Variants in CCSER1 observed in about 807,000 individuals in gnomAD.
CCSER1 encodes the protein coiled-coil serine rich protein 1.
In CCSER1, 41 loss-of-function variants were observed where a neutral mutation model predicts 82.0. That is an observed-to-expected ratio of 0.50 (90% confidence interval 0.39 to 0.65). CCSER1 has a LOEUF of 0.65. CCSER1 is among the 30% of genes least tolerant of loss of function. The pLI, the probability that CCSER1 is intolerant of heterozygous loss-of-function variation, is 0.00. For synonymous variants in CCSER1, 414 were observed against 383.9 expected, an observed-to-expected ratio of 1.08 and a Z score of -0.92; for missense variants, 1,119 against 1,064.2, an observed-to-expected ratio of 1.05 and a Z score of -0.72.
chr4:90,632,428 A>G (rs1724626034), intron 6 of CCSER1, among the ~76,000 whole-genome samples: 1 of 151,972 alleles, frequency 6.6e-6, no homozygotes, highest in Non-Finnish European at 1.5e-5. Flanking sequence ...AATCATATTA[A>G]TCTAATCCAG....
intron 10 of CCSER1, among the ~76,000 whole-genome samples, chr4:91,315,414 T>G (rs1160158530): frequency 2.0e-5 from 3 of 151,986 alleles, no homozygotes; most frequent in Non-Finnish European, 4.4e-5. Context: ...ATATTTCCAC[T>G]GCCAAACCCA....
At chr4:90,291,124 GTGTTTT>G (rs1398581832) in intron 1 of CCSER1, among the ~76,000 whole-genome samples, 1 of 140,054 alleles carries the variant, frequency 7.1e-6, no homozygotes, top group African/African-American at 3.2e-5. Context: ...CAGAGCAAGA[GTGTTTT>G]TACTTGATTG....
At chr4:90,587,935 A>G (rs912532880) in intron 5 of CCSER1, among the ~76,000 whole-genome samples, 1 of 152,210 alleles carries the variant, frequency 6.6e-6, no homozygotes, top group Non-Finnish European at 1.5e-5. Flanking sequence ...TGTCATACAA[A>G]TTGTTTGGGT....
At chr4:90,304,213 GTTCAACCA>G (rs1466502744) in intron 1 of CCSER1, among the ~76,000 whole-genome samples, 1 of 152,180 alleles carries the variant, frequency 6.6e-6, no homozygotes, top group Non-Finnish European at 1.5e-5. Flanking sequence ...CTGTAAACTA[GTTCAACCA>G]TTGTGGAAGT....
At chr4:90,194,636 A>G (rs1322257408) in intron 1 of CCSER1, among the ~76,000 whole-genome samples, 2 of 151,958 alleles carry the variant, frequency 1.3e-5, no homozygotes, top group Non-Finnish European at 2.9e-5. Flanking sequence ...CAAATATCTG[A>G]TCTCATTTTT....
chr4:90,959,009 G>A (rs2150370864), intron 9 of CCSER1, among the ~76,000 whole-genome samples: 1 of 152,204 alleles, frequency 6.6e-6, no homozygotes, highest in South Asian at 2.1e-4. Flanking sequence ...AAGTAATTAG[G>A]TTACCAGTAA....
chr4:91,161,812 T>A (rs930057054), intron 10 of CCSER1, among the ~76,000 whole-genome samples: 3 of 152,204 alleles, frequency 2.0e-5, no homozygotes, highest in Non-Finnish European at 4.4e-5. Flanking sequence ...ATGAAGTTGC[T>A]TATCAGCTTA....
Position 91,297,365 on chromosome 4 carries a change from TTGTGTGTGTGTGTGTGTGTATG to T in CCSER1, c.2217+211391_2217+211412del, listed in dbSNP as rs1295361214. Reference sequence around the variant, plus strand: ...CTGCTCACCTGAGGAGAATGGATGCTTGTGTGTGTGTGTGTGTGTATGTGTGTGTGTGTGTGTGTGTGTGTGT... The same window carrying T: ...CTGCTCACCTGAGGAGAATGGATGCTTGTGTGTGTGTGTGTGTGTGTGTGT... On this transcript the variant is annotated intron_variant, in intron 10 of 10. Transcript: ENST00000509176. Among the ~76,000 whole-genome samples the T allele has an allele frequency of 1.0e-3, 135 of 128,914 alleles. 1 individual carries two copies. Among genetic ancestry groups the T allele is most frequent in the African/African-American group, 3.7e-3 (123 of 33,274 alleles). The allele number at this position is 128,914 out of a possible 152,430, so 84.6% of individuals were successfully genotyped here.
intron 5 of CCSER1, among the ~76,000 whole-genome samples, chr4:90,489,114 A>C (rs1235366382): frequency 1.3e-5 from 2 of 152,182 alleles, no homozygotes; most frequent in South Asian, 4.1e-4. Context: ...TTCATGATTA[A>C]GTTTTCTCTG....
chr4:90,355,029 A>G (rs1304407644), intron 3 of CCSER1, among the ~76,000 whole-genome samples: 1 of 151,896 alleles, frequency 6.6e-6, no homozygotes, highest in Non-Finnish European at 1.5e-5. Flanking sequence ...TATCTCATTA[A>G]CTCTACTAAA....
chr4:90,349,899 A>T (rs1349590190), intron 3 of CCSER1, among the ~76,000 whole-genome samples: 1 of 152,102 alleles, frequency 6.6e-6, no homozygotes, highest in Non-Finnish European at 1.5e-5. Flanking sequence ...CCACAGATGG[A>T]AAGACTTAGA....
chr4:90,998,288 C>G (rs1246453059), intron 9 of CCSER1, among the ~76,000 whole-genome samples: 1 of 152,108 alleles, frequency 6.6e-6, no homozygotes, highest in Non-Finnish European at 1.5e-5. Flanking sequence ...CCATGTTGAT[C>G]AAGCTCGTCT....
chr4:90,409,619 T>C (rs1754361738), intron 4 of CCSER1, among the ~76,000 whole-genome samples: 1 of 152,000 alleles, frequency 6.6e-6, no homozygotes, highest in African/African-American at 2.4e-5. Flanking sequence ...CTAAAAGTGC[T>C]CCTGAAGGAA....
chr4:91,415,285 T>C (rs1457255293), intron 10 of CCSER1, among the ~76,000 whole-genome samples: 1 of 152,176 alleles, frequency 6.6e-6, no homozygotes, highest in Non-Finnish European at 1.5e-5. Flanking sequence ...CTGAAGTGGC[T>C]AATCAGCTTA....
intron 10 of CCSER1, among the ~76,000 whole-genome samples, chr4:91,400,086 G>T (rs946522640): frequency 1.3e-5 from 2 of 151,872 alleles, no homozygotes; most frequent in African/African-American, 4.8e-5. Flanking sequence ...TCATGCTAGG[G>T]CTAAAATTTC....
intron 10 of CCSER1, among the ~76,000 whole-genome samples, chr4:91,565,155 G>C (rs1055093277): frequency 1.3e-5 from 2 of 151,536 alleles, no homozygotes; most frequent in African/African-American, 4.8e-5. Flanking sequence ...ATTGAATAGA[G>C]AGTCTTTTCC....
At chr4:90,439,696 A>G (rs575238716) in intron 4 of CCSER1, among the ~76,000 whole-genome samples, 6 of 152,274 alleles carry the variant, frequency 3.9e-5, no homozygotes, top group South Asian at 4.1e-4. Flanking sequence ...GCTATCTAAT[A>G]TAGAAGAATC....
At position 91,594,344 on chromosome 4, in the gene CCSER1, T is replaced by C. The variant is rs181168960; in HGVS notation, c.2218-4228T>C. Among the ~76,000 whole-genome samples the C allele has an allele frequency of 9.6e-3, 1,414 of 146,862 alleles. 8 individuals carry two copies. The highest frequency in any genetic ancestry group is 0.021 in the Middle Eastern group (6 of 280). On this transcript the variant is annotated intron_variant, in intron 10 of 10. Coordinates refer to ENST00000509176, the MANE Select transcript of CCSER1 (RefSeq NM_001145065.2). The stretch of plus-strand genomic sequence containing the variant: ...ATACATATATGTACACACATATATA[T>C]ACATATATATACACATATATATACA...
intron 10 of CCSER1, among the ~76,000 whole-genome samples, chr4:91,560,084 G>T (rs757174870): frequency 1.3e-5 from 2 of 151,282 alleles, no homozygotes; most frequent in African/African-American, 2.4e-5. Flanking sequence ...TTAAATGCTA[G>T]ATACATATAC....
Sources: allele counts gnomAD v4.1 joint callset (sites outside exome capture counted in the v4.1 genomes callset), GRCh38; gene constraint gnomAD v4.1.1; transcripts MANE v1.5; gene names NCBI Gene and HGNC (gene_info 2026-07-23, HGNC 2026-07-21).